Variants in PHF3 observed in about 807,000 individuals in gnomAD.
PHF3 encodes PHD finger protein 3.
In PHF3, 41 loss-of-function variants were observed where a neutral mutation model predicts 178.4. The ratio of observed to expected loss-of-function variants is 0.23; its 90% CI spans 0.18 to 0.30. The LOEUF (loss-of-function observed/expected upper bound fraction) is 0.30. Among genes scored for constraint, PHF3 ranks in the 10% least tolerant of loss-of-function variants. The pLI is 1.00. For synonymous variants in PHF3, 842 were observed against 800.5 expected, an observed-to-expected ratio of 1.05 and a Z score of -0.88; for missense variants, 2,346 against 2,398.1, an observed-to-expected ratio of 0.98 and a Z score of 0.45.
chr6:63,652,755 T>C (rs948427614), intron 2 of PHF3, among the ~76,000 whole-genome samples: 6 of 152,136 alleles, frequency 3.9e-5, no homozygotes, highest in Non-Finnish European at 4.4e-5. Context: ...CACATAGATA[T>C]CCAGTTTTCC....
At chr6:63,662,594 A>C (rs958153834) in intron 2 of PHF3, among the ~76,000 whole-genome samples, 10 of 152,150 alleles carry the variant, frequency 6.6e-5, no homozygotes, top group Non-Finnish European at 2.9e-5. Context: ...TCTTCTCAAA[A>C]GATTTCTGAT....
At position 63,713,398 on chromosome 6, in the gene PHF3, AGG is replaced by A; in HGVS notation, c.5811_5812del (p.Glu1938MetfsTer6). 1 of 1,614,086 alleles carries A rather than the reference AGG, an allele frequency of 6.2e-7. No homozygotes were observed. The highest frequency in any genetic ancestry group is 8.5e-7 in the Non-Finnish European group (1 of 1,179,994). The stretch of plus-strand genomic sequence containing the variant: ...CATTTGAAAAGAGAGCGACATGAAA[AGG>A]AATGGGAGCAAGAATCTGAAAGGCA... On this transcript the variant is annotated frameshift_variant, in exon 16 of 16. Transcript: ENST00000262043. LOFTEE classifies it high-confidence loss of function.
rs999718584 is a variant in PHF3 at position 63,724,412 on chromosome 6, CTTATTT to C, written c.*10705_*10710del. Among the ~76,000 whole-genome samples the C allele has an allele frequency of 6.6e-6, 1 of 151,970 alleles. No homozygotes were observed. Among genetic ancestry groups the C allele is most frequent in the African/African-American group, 2.4e-5 (1 of 41,370 alleles). On this transcript the variant is annotated 3_prime_UTR_variant, in exon 16 of 16. Transcript: ENST00000262043. ...AAAAGGAAAGCAATGGTAATTTAAA[CTTATTT>C]ATATATTTTTAATATAGTTTAATTA... is the stretch of plus-strand genomic sequence containing the variant.
At position 63,706,811 on chromosome 6, in the gene PHF3, C is replaced by T. The variant is rs1767713971; in HGVS notation, c.3646C>T (p.Pro1216Ser). ...CATCTGGAAAGGTTTTATCAACATG[C>T]CTTCTGTGGCAAAATTTGTTACCAA... is the stretch of plus-strand genomic sequence containing the variant. Reference protein sequence around the residue: ...NFIWKGFINMPSVAKFVTKAY... With the variant: ...NFIWKGFINMSSVAKFVTKAY... Residue 1216 changes from proline to serine, a missense_variant, in exon 13 of 16, where the codon CCT (proline) becomes TCT (serine). Physicochemically the swap from Pro to Ser is moderately conservative, Grantham distance 74. Transcript: ENST00000262043. The T allele has an allele frequency of 6.2e-7, 1 of 1,613,950 alleles. No individual in the cohort carries two copies. The highest frequency in any genetic ancestry group is 2.2e-5 in the East Asian group (1 of 44,856).
chr6:63,699,577 T>G (rs1363398501), intron 8 of PHF3, among the ~76,000 whole-genome samples: 1 of 152,016 alleles, frequency 6.6e-6, no homozygotes, highest in South Asian at 2.1e-4. Flanking sequence ...AAATAAAGAT[T>G]TATTTCCCTC....
At chr6:63,672,401 G>T (rs1765956879) in intron 2 of PHF3, among the ~76,000 whole-genome samples, 1 of 152,010 alleles carries the variant, frequency 6.6e-6, no homozygotes, top group South Asian at 2.1e-4. Context: ...CCTCCTTTCT[G>T]CCTGTTTTTA....
rs1768195368 is a variant in PHF3 at position 63,716,539 on chromosome 6, A to G, written c.*2831A>G. ...TCTATTGCTGTTGTGATGAATTACTACAAGTGTAGTGGCTTAAAACCACAC... is the reference window on the plus strand; with the variant it reads ...TCTATTGCTGTTGTGATGAATTACTGCAAGTGTAGTGGCTTAAAACCACAC... On this transcript the variant is annotated 3_prime_UTR_variant, in exon 16 of 16. Transcript: ENST00000262043. 6.6e-6 allele frequency among the ~76,000 whole-genome samples: 1 copy of G among 152,116 alleles called. No homozygotes were observed. Among genetic ancestry groups the G allele is most frequent in the South Asian group, 2.1e-4 (1 of 4,824 alleles).
In PHF3 at chr6:63,680,055, T is replaced by C. The variant is rs373123753; in HGVS notation, c.300T>C (p.Asp100=). ...DEGVVKESGN[D]TIDEEELILP... Reference sequence around the variant, plus strand: ...GAGTTGTTAAAGAAAGTGGCAATGATACCATTGATGAAGAAGAACTGATTT... The same window carrying C: ...GAGTTGTTAAAGAAAGTGGCAATGACACCATTGATGAAGAAGAACTGATTT... Residue 100 remains aspartate, a synonymous_variant, in exon 3 of 16, where the codon GAT becomes GAC. Coordinates refer to ENST00000262043, the MANE Select transcript of PHF3 (RefSeq NM_001370348.2). 3.1e-6 allele frequency: 5 copies of C among 1,612,872 alleles called. No homozygotes were observed. Among genetic ancestry groups the C allele is most frequent in the Non-Finnish European group, 4.2e-6 (5 of 1,179,162 alleles).
At position 63,709,153 on chromosome 6, in the gene PHF3, C is replaced by G. The variant is rs1205273829; in HGVS notation, c.3714C>G (p.Asp1238Glu). The G allele has an allele frequency of 1.3e-6, 2 of 1,560,334 alleles. No individual in the cohort carries two copies. Among genetic ancestry groups the G allele is most frequent in the Non-Finnish European group, 1.8e-6 (2 of 1,139,758 alleles). Residue 1238 changes from aspartate to glutamate, a missense_variant and splice_region_variant, in exon 14 of 16, where the codon GAC becomes GAG. This residue lies in a region of PHF3 where 205 missense variants were observed against 212.4 expected (regional missense o/e 0.97). Transcript: ENST00000262043. ...CTTTTTTTTTTTTTTAACCATAGGA[C>G]CTACCAGATAGTATTCAAGTAGGTG... ...VSGSPEYLTE[D>E]LPDSIQVGGR...
In PHF3 at chr6:63,685,399, G is replaced by C. The variant is rs1301799091; in HGVS notation, c.1677G>C (p.Gln559His). ...KKQIDKEPKIQSCNSGVKSVK... is the reference protein window; with the variant it reads ...KKQIDKEPKIHSCNSGVKSVK... Reference sequence around the variant, plus strand: ...AAATTGATAAGGAGCCAAAGATTCAGAGTTGCAATTCTGGGGTTAAATCTG... The same window carrying C: ...AAATTGATAAGGAGCCAAAGATTCACAGTTGCAATTCTGGGGTTAAATCTG... The change falls in exon 4 of 16, where the codon CAG becomes CAC. Residue 559 changes from glutamine to histidine, a missense_variant. Around this residue, in one of 8 missense-constraint regions of PHF3, gnomAD observed 843 missense variants for 795.2 expected, o/e 1.06. Transcript: ENST00000262043. The C allele has an allele frequency of 6.2e-7, 1 of 1,613,986 alleles. No individual in the cohort carries two copies. Among genetic ancestry groups the C allele is most frequent in the Admixed American group, 1.7e-5 (1 of 59,998 alleles).
At chr6:63,655,465 A>G (rs563604389) in intron 2 of PHF3, among the ~76,000 whole-genome samples, 1 of 152,138 alleles carries the variant, frequency 6.6e-6, no homozygotes, top group South Asian at 2.1e-4. Flanking sequence ...TGCCCACCTT[A>G]GCCCCCCAAA....
In PHF3 at chr6:63,712,073, AATTCC is replaced by A; in HGVS notation, c.4489_4493del (p.Pro1497PhefsTer3). ...TGATGGAACAAAACACTGTTAAAGAAATTCCATTTTTAAATGAGCAGACCAACTCA... is the reference window on the plus strand; with the variant it reads ...TGATGGAACAAAACACTGTTAAAGAAATTTTTAAATGAGCAGACCAACTCA... On this transcript the variant is annotated frameshift_variant, in exon 16 of 16. Coordinates refer to ENST00000262043, the MANE Select transcript of PHF3 (RefSeq NM_001370348.2). LOFTEE classifies it high-confidence loss of function. 6.2e-7 allele frequency: 1 copy of A among 1,613,740 alleles called. No homozygotes were observed. The highest frequency in any genetic ancestry group is 8.5e-7 in the Non-Finnish European group (1 of 1,179,962).
Position 63,715,873 on chromosome 6 carries a change from G to C in PHF3, c.*2165G>C, listed in dbSNP as rs1173941379. Among the ~76,000 whole-genome samples the C allele has an allele frequency of 1.3e-5, 2 of 152,116 alleles. No individual in the cohort carries two copies. Among genetic ancestry groups the C allele is most frequent in the African/African-American group, 4.8e-5 (2 of 41,512 alleles). On this transcript the variant is annotated 3_prime_UTR_variant, in exon 16 of 16. Transcript: ENST00000262043. ...AGATCCAAAGCCATTCTCAGTCCCAGGTACAACCAGCCTTACACAAACTAG... is the reference window on the plus strand; with the variant it reads ...AGATCCAAAGCCATTCTCAGTCCCACGTACAACCAGCCTTACACAAACTAG...
chr6:63,680,398 A>ATTTTTTT (rs994238749), intron 3 of PHF3, among the ~76,000 whole-genome samples: 1 of 117,596 alleles, frequency 8.5e-6, no homozygotes, highest in Non-Finnish European at 1.8e-5. Flanking sequence ...AGCTGGTTTA[A>ATTTTTTT]TTTTTTTTTT....
intron 3 of PHF3, among the ~76,000 whole-genome samples, chr6:63,683,051 C>T (rs1175594100): frequency 1.3e-5 from 2 of 151,822 alleles, no homozygotes; most frequent in African/African-American, 4.8e-5. Flanking sequence ...TCATAACCCA[C>T]CAAGTAATTT....
intron 1 of PHF3, 85 bp from the exon 2 acceptor site, chr6:63,646,442 C>A: frequency 3.2e-6 from 3 of 948,534 alleles, no homozygotes; most frequent in Non-Finnish European, 3.0e-6. Flanking sequence ...TGTTCTTAGA[C>A]TCAAAACTAT....
Position 63,646,700 on chromosome 6 carries a change from G to A in PHF3, c.149G>A (p.Ser50Asn). ...VLEDSLKNML[S>N]DKDPMLGSAS... ...GAGGACTCGCTGAAGAACATGCTCA[G>A]CGATAAGGATCCTATGCTAGGATCT... Residue 50 changes from serine to asparagine, a missense_variant, in exon 2 of 16, where the codon AGC becomes AAC. This residue lies in a region of PHF3 where 843 missense variants were observed against 795.2 expected (regional missense o/e 1.06). Transcript: ENST00000262043. The A allele has an allele frequency of 6.2e-7, 1 of 1,613,554 alleles. No individual in the cohort carries two copies.
At position 63,675,335 on chromosome 6, in the gene PHF3, G is replaced by A. The variant is rs149374025; in HGVS notation, c.245-4665G>A. On this transcript the variant is annotated intron_variant, in intron 2 of 15. Transcript: ENST00000262043. ...CATTTGTTATGTGATGATTATGCTG[G>A]CAGCACAAAGGTCAAACTCAGCTTA... Among the ~76,000 whole-genome samples the A allele has an allele frequency of 3.7e-3, 571 of 152,270 alleles. 3 individuals carry two copies. The highest frequency in any genetic ancestry group is 0.019 in the South Asian group (93 of 4,820).
Position 63,676,094 on chromosome 6 carries a change from T to G in PHF3, c.245-3906T>G, listed in dbSNP as rs138772144. Among the ~76,000 whole-genome samples the G allele has an allele frequency of 2.3e-3, 351 of 152,348 alleles. 1 individual carries two copies. The highest frequency in any genetic ancestry group is 4.7e-3 in the Admixed American group (72 of 15,300). The stretch of plus-strand genomic sequence containing the variant: ...AAAAAAGTGAAGTCAGTATGTTACT[T>G]CCAAATTTGTTCTTTCCAACTTCTC... On this transcript the variant is annotated intron_variant, in intron 2 of 15. Coordinates refer to ENST00000262043, the MANE Select transcript of PHF3 (RefSeq NM_001370348.2).
Sources: allele counts gnomAD v4.1 joint callset (sites outside exome capture counted in the v4.1 genomes callset), GRCh38; gene constraint gnomAD v4.1.1; regional missense constraint gnomAD v4.1.1; transcripts MANE v1.5; gene names NCBI Gene and HGNC (gene_info 2026-07-23, HGNC 2026-07-21).